ITFG1: variants seen among roughly 807,000 people sequenced by gnomAD.
ITFG1 encodes T-cell immunomodulatory protein.
Under a neutral mutation model 81.8 loss-of-function variants are expected in ITFG1, and 34 were observed. That is an observed-to-expected ratio of 0.42 (90% CI 0.32 to 0.55). ITFG1 has a LOEUF of 0.55. ITFG1 is among the 20% of genes least tolerant of loss of function. The pLI, the probability that ITFG1 is intolerant of heterozygous loss-of-function variation, is 0.17. For missense variants in ITFG1, 672 were observed against 755.4 expected, an observed-to-expected ratio of 0.89 and a Z score of 1.29; for synonymous variants, 285 against 270.6, an observed-to-expected ratio of 1.05 and a Z score of -0.52.
intron 14 of ITFG1, among the ~76,000 whole-genome samples, chr16:47,190,309 T>C (rs1965276708): frequency 6.6e-6 from 1 of 152,204 alleles, no homozygotes; most frequent in Non-Finnish European, 1.5e-5. Flanking sequence ...AGAGTTTTTT[T>C]AGTCCCAAGT....
chr16:47,317,338 T>C (rs980363692), intron 8 of ITFG1, among the ~76,000 whole-genome samples: 1 of 152,184 alleles, frequency 6.6e-6, no homozygotes, highest in Non-Finnish European at 1.5e-5. Context: ...CAATGAATTT[T>C]TATATATAAT....
intron 6 of ITFG1, among the ~76,000 whole-genome samples, chr16:47,382,863 C>T (rs191664704): frequency 6.6e-6 from 1 of 152,178 alleles, no homozygotes; most frequent in African/African-American, 2.4e-5. Context: ...TAAAAATTTT[C>T]CAATTACTAC....
At chr16:47,243,107 C>T (rs935091858) in intron 12 of ITFG1, among the ~76,000 whole-genome samples, 176 of 152,018 alleles carry the variant, frequency 1.2e-3, no homozygotes, top group African/African-American at 4.2e-3. Context: ...AGATTGAAAA[C>T]CACATGATAT....
chr16:47,211,723 G>C (rs1965563005), intron 14 of ITFG1, among the ~76,000 whole-genome samples: 1 of 152,132 alleles, frequency 6.6e-6, no homozygotes. Context: ...ATCATGAATA[G>C]TTTAAACTTC....
At chr16:47,354,099 T>A (rs1422234147) in intron 8 of ITFG1, among the ~76,000 whole-genome samples, 1 of 152,168 alleles carries the variant, frequency 6.6e-6, no homozygotes, top group Non-Finnish European at 1.5e-5. Context: ...GCCAAAGTAA[T>A]CTTAAGCAAA....
intron 10 of ITFG1, among the ~76,000 whole-genome samples, chr16:47,305,933 G>A (rs1028716767): frequency 6.6e-6 from 1 of 152,198 alleles, no homozygotes; most frequent in Non-Finnish European, 1.5e-5. Flanking sequence ...GTGGTGATCA[G>A]AGAAATCAGT....
At chr16:47,342,711 A>G (rs1160695636) in intron 8 of ITFG1, among the ~76,000 whole-genome samples, 3 of 152,164 alleles carry the variant, frequency 2.0e-5, no homozygotes, top group African/African-American at 7.2e-5. Context: ...TCTATAAAAC[A>G]CCAATGAAAA....
At position 47,457,822 on chromosome 16, in the gene ITFG1, C is replaced by A. The variant is rs566545799; in HGVS notation, c.281+1281G>T. 2.6e-5 allele frequency among the ~76,000 whole-genome samples: 4 copies of A among 152,222 alleles called. No homozygotes were observed. The East Asian group carries it at 5.8e-4, about 22-fold the overall frequency. On this transcript the variant is annotated intron_variant, in intron 2 of 17. Coordinates refer to ENST00000320640, the MANE Select transcript of ITFG1 (RefSeq NM_030790.5). ...AAATCACCTCTATGCAGTTAGTTCACTTCTCATATACACTCAACTTCAGTT... is the reference window on the plus strand; with the variant it reads ...AAATCACCTCTATGCAGTTAGTTCAATTCTCATATACACTCAACTTCAGTT...
intron 5 of ITFG1, among the ~76,000 whole-genome samples, chr16:47,439,017 C>G (rs565469435): frequency 6.6e-6 from 1 of 152,274 alleles, no homozygotes; most frequent in South Asian, 2.1e-4. Flanking sequence ...AAAACCACGG[C>G]ACGAGAACTA....
chr16:47,308,406 C>G (rs1443568537), intron 10 of ITFG1, among the ~76,000 whole-genome samples: 4 of 152,192 alleles, frequency 2.6e-5, no homozygotes, highest in Admixed American at 2.0e-4. Flanking sequence ...AGTAGAACAT[C>G]TGCAACATAA....
intron 6 of ITFG1, among the ~76,000 whole-genome samples, chr16:47,394,515 C>A (rs1309953778): frequency 6.6e-6 from 1 of 152,012 alleles, no homozygotes; most frequent in Admixed American, 6.6e-5. Flanking sequence ...CACACACTGT[C>A]TTTGAGAATT....
intron 14 of ITFG1, among the ~76,000 whole-genome samples, chr16:47,179,735 A>G (rs961090981): frequency 6.6e-6 from 1 of 152,238 alleles, no homozygotes; most frequent in African/African-American, 2.4e-5. Flanking sequence ...TAGGATCTCT[A>G]GAATGTGGCT....
chr16:47,373,345 C>T (rs1433385186), intron 7 of ITFG1, among the ~76,000 whole-genome samples: 1 of 152,012 alleles, frequency 6.6e-6, no homozygotes, highest in Non-Finnish European at 1.5e-5. Flanking sequence ...TGCAGTGGTG[C>T]AATCTCGGCT....
At chr16:47,347,440 C>T (rs964563317) in intron 8 of ITFG1, among the ~76,000 whole-genome samples, 2 of 152,252 alleles carry the variant, frequency 1.3e-5, no homozygotes, top group Non-Finnish European at 2.9e-5. Flanking sequence ...TGGGGCCTTG[C>T]TCATTGCTAG....
intron 14 of ITFG1, among the ~76,000 whole-genome samples, chr16:47,170,801 T>C (rs1476222184): frequency 6.9e-6 from 1 of 144,354 alleles, no homozygotes; most frequent in Non-Finnish European, 1.5e-5. Flanking sequence ...AGTGGTATGA[T>C]GTCAGCTCAC....
At chr16:47,288,490 A>AT (rs1328411692) in intron 10 of ITFG1, among the ~76,000 whole-genome samples, 43 of 152,052 alleles carry the variant, frequency 2.8e-4, no homozygotes, top group Non-Finnish European at 5.4e-4. Flanking sequence ...TGATAGTTCT[A>AT]TTTTTTATAT....
In ITFG1 at chr16:47,329,904, A is replaced by T. The variant is rs1242029056; in HGVS notation, c.803-16081T>A. 2.0e-5 allele frequency among the ~76,000 whole-genome samples: 3 copies of T among 152,118 alleles called. No individual in the cohort carries two copies. The East Asian group carries it at 5.8e-4, about 29-fold the overall frequency. ...CATAAGAGCTAAATATGTGGTAGTA[A>T]TTGTTAGAATAAGACACTCAGAAGT... On this transcript the variant is annotated intron_variant, in intron 8 of 17. Coordinates refer to ENST00000320640, the MANE Select transcript of ITFG1 (RefSeq NM_030790.5).
chr16:47,251,809 T>C (rs1449331639), intron 12 of ITFG1, among the ~76,000 whole-genome samples: 1 of 152,246 alleles, frequency 6.6e-6, no homozygotes, highest in South Asian at 2.1e-4. Context: ...AATAGAACAA[T>C]TGTAACAATA....
intron 14 of ITFG1, among the ~76,000 whole-genome samples, chr16:47,217,794 G>A (rs376282465): frequency 1.6e-4 from 24 of 152,038 alleles, no homozygotes; most frequent in Admixed American, 6.5e-4. Context: ...GTGTAGTGGC[G>A]GGCACCTGTG....
Sources: gnomAD v4.1 joint callset for allele counts (sites outside exome capture counted in the v4.1 genomes callset) on GRCh38, gnomAD v4.1.1 for gene constraint, MANE v1.5 for transcripts, NCBI Gene and HGNC (gene_info 2026-07-23, HGNC 2026-07-21) for gene names.